Variants in RALGPS1 observed in about 807,000 individuals in gnomAD.
The protein encoded by RALGPS1 is ras-specific guanine nucleotide-releasing factor RalGPS1.
Under a neutral mutation model 78.8 loss-of-function variants are expected in RALGPS1, and 19 were observed. That is an observed-to-expected ratio of 0.24 (90% CI 0.17 to 0.35). The LOEUF is 0.35. Among genes scored for constraint, RALGPS1 ranks in the 10% least tolerant of loss-of-function variants. RALGPS1 has a pLI of 1.00. For synonymous variants in RALGPS1, 228 were observed against 256.3 expected (o/e 0.89, Z 1.06); for missense variants, 454 against 688.3 (o/e 0.66, Z 3.81).
At position 127,212,122 on chromosome 9, in the gene RALGPS1, T is replaced by C. The variant is rs751178059; in HGVS notation, c.1248-9T>C. The C allele has an allele frequency of 6.2e-6, 10 of 1,605,158 alleles. No individual in the cohort carries two copies. Among genetic ancestry groups the C allele is most frequent in the Non-Finnish European group, 7.7e-6 (9 of 1,176,114 alleles). ...CCAGGGCGATGTCTGACTGGTAGTC[T>C]CTCCTCAGCCCCACCGGCCCGTGCA... On this transcript the variant is annotated splice_polypyrimidine_tract_variant and intron_variant, in intron 14 of 18. Transcript: ENST00000259351. This position sits in a 1 kb window ranked among gnomAD's most constrained non-coding sequence, Gnocchi z 6.0.
intron 4 of RALGPS1, among the ~76,000 whole-genome samples, chr9:127,011,129 G>A (rs915811249): frequency 6.6e-6 from 1 of 152,084 alleles, no homozygotes; most frequent in Non-Finnish European, 1.5e-5. Flanking sequence ...TTGCCCTGGC[G>A]GCTGGAGATG....
chr9:126,934,705 C>T (rs902696882), intron 1 of RALGPS1, among the ~76,000 whole-genome samples: 1 of 152,154 alleles, frequency 6.6e-6, no homozygotes, highest in Non-Finnish European at 1.5e-5. Context: ...TTGTGCACAC[C>T]TCTTTTTGCT....
chr9:127,007,562 G>A (rs1411707866), intron 4 of RALGPS1, among the ~76,000 whole-genome samples: 3 of 152,202 alleles, frequency 2.0e-5, no homozygotes, highest in Non-Finnish European at 4.4e-5. Context: ...AAGCTTGTCT[G>A]AATAATAGTA....
At chr9:127,071,370 A>G (rs1217385106) in intron 8 of RALGPS1, among the ~76,000 whole-genome samples, 3 of 152,180 alleles carry the variant, frequency 2.0e-5, no homozygotes, top group African/African-American at 7.2e-5. Context: ...ATTGGGATAC[A>G]TCTTGCAATT....
At chr9:127,216,432 A>G (rs1010780108) in intron 18 of RALGPS1, among the ~76,000 whole-genome samples, 1 of 152,184 alleles carries the variant, frequency 6.6e-6, no homozygotes, top group African/African-American at 2.4e-5. Context: ...TGTGTTTAAG[A>G]ATGTTCACTG....
intron 1 of RALGPS1, among the ~76,000 whole-genome samples, chr9:126,958,740 C>G (rs919681520): frequency 6.6e-6 from 1 of 152,102 alleles, no homozygotes; most frequent in Non-Finnish European, 1.5e-5. Flanking sequence ...ATGTTCATGT[C>G]TTTGTGTGGA....
intron 3 of RALGPS1, among the ~76,000 whole-genome samples, chr9:126,974,678 T>C (rs1348676427): frequency 6.6e-6 from 1 of 152,100 alleles, no homozygotes; most frequent in Non-Finnish European, 1.5e-5. Context: ...ACATCCTATG[T>C]TAATGCTTTA....
chr9:127,146,820 A>T (rs551406497), intron 8 of RALGPS1, among the ~76,000 whole-genome samples: 4 of 152,196 alleles, frequency 2.6e-5, no homozygotes, highest in Non-Finnish European at 5.9e-5. Flanking sequence ...CTGAGATTAC[A>T]GGTGTGAGCC....
At chr9:127,006,226 CAG>C (rs1219993056) in intron 4 of RALGPS1, among the ~76,000 whole-genome samples, 1 of 152,178 alleles carries the variant, frequency 6.6e-6, no homozygotes, top group African/African-American at 2.4e-5. Context: ...AACATGAAAA[CAG>C]AGTATGGATT....
intron 4 of RALGPS1, among the ~76,000 whole-genome samples, chr9:126,982,024 G>A (rs956011689): frequency 6.6e-6 from 1 of 152,158 alleles, no homozygotes; most frequent in Admixed American, 6.5e-5. Flanking sequence ...CTTGCCATGT[G>A]GAACTGTTCA....
intron 8 of RALGPS1, among the ~76,000 whole-genome samples, chr9:127,089,558 GA>G (rs992199085): frequency 1.3e-5 from 2 of 152,190 alleles, no homozygotes; most frequent in Non-Finnish European, 2.9e-5. Context: ...CGGGGAGGGA[GA>G]AAAGCTTTTT....
chr9:127,187,447 C>G (rs1257784275), intron 11 of RALGPS1, among the ~76,000 whole-genome samples: 9 of 152,214 alleles, frequency 5.9e-5, no homozygotes, highest in Non-Finnish European at 1.0e-4. Flanking sequence ...TCTGTAAGCC[C>G]CACTTTCTGA....
chr9:126,951,856 AT>A (rs2037854114), intron 1 of RALGPS1, among the ~76,000 whole-genome samples: 2 of 152,202 alleles, frequency 1.3e-5, no homozygotes, highest in Admixed American at 1.3e-4. Context: ...AGGGTATTCA[AT>A]TAGGAAAAGA....
intron 8 of RALGPS1, among the ~76,000 whole-genome samples, chr9:127,078,627 G>A (rs573442058): frequency 6.6e-5 from 10 of 152,278 alleles, no homozygotes; most frequent in South Asian, 2.1e-4. Flanking sequence ...TGCCCAGAGC[G>A]GGAGAACCTT....
At chr9:127,046,567 A>G (rs2047795393) in intron 5 of RALGPS1, among the ~76,000 whole-genome samples, 1 of 152,144 alleles carries the variant, frequency 6.6e-6, no homozygotes, top group Non-Finnish European at 1.5e-5. Context: ...CTCTTGGTAC[A>G]ATATATGACT....
At chr9:127,143,445 A>G (rs2057910415) in intron 8 of RALGPS1, among the ~76,000 whole-genome samples, 1 of 152,152 alleles carries the variant, frequency 6.6e-6, no homozygotes, top group Admixed American at 6.5e-5. Context: ...AGTTCTCTCC[A>G]TTGCTCTGCC....
At chr9:127,099,159 A>G (rs1178313035) in intron 8 of RALGPS1, among the ~76,000 whole-genome samples, 1 of 152,206 alleles carries the variant, frequency 6.6e-6, no homozygotes, top group Non-Finnish European at 1.5e-5. Context: ...CCCTGAGTCC[A>G]GCCCCAGGTG....
At chr9:126,928,751 A>G (rs1189336835) in intron 1 of RALGPS1, among the ~76,000 whole-genome samples, 1 of 151,992 alleles carries the variant, frequency 6.6e-6, no homozygotes, top group African/African-American at 2.4e-5. Flanking sequence ...ACAGGTGGCC[A>G]CCACCACACC....
chr9:127,007,214 G>C (rs922374475), intron 4 of RALGPS1, among the ~76,000 whole-genome samples: 3 of 152,184 alleles, frequency 2.0e-5, no homozygotes, highest in African/African-American at 7.2e-5. Flanking sequence ...TAAAGTTGCT[G>C]TACTTAAAGA....
Sources: allele counts gnomAD v4.1 joint callset (sites outside exome capture counted in the v4.1 genomes callset), GRCh38; gene constraint gnomAD v4.1.1; non-coding constraint Gnocchi (gnomAD v3.1); transcripts MANE v1.5; gene names NCBI Gene and HGNC (gene_info 2026-07-23, HGNC 2026-07-21).